PTPRT: variants seen among roughly 807,000 people sequenced by gnomAD.
PTPRT encodes receptor-type tyrosine-protein phosphatase T.
PTPRT carries 56 observed loss-of-function variants against 176.8 expected under a neutral mutation model. The ratio of observed to expected loss-of-function variants is 0.32; its 90% CI spans 0.26 to 0.40. The LOEUF (loss-of-function observed/expected upper bound fraction) is 0.40. PTPRT is among the 10% of genes least tolerant of loss of function. The pLI is 1.00. For synonymous variants in PTPRT, 783 were observed against 739.0 expected, an observed-to-expected ratio of 1.06 and a Z score of -0.96; for missense variants, 1,540 against 1,908.2, an observed-to-expected ratio of 0.81 and a Z score of 3.60.
intron 1 of PTPRT, among the ~76,000 whole-genome samples, chr20:42,925,230 AAT>A (rs1600562594): frequency 1.3e-5 from 2 of 152,202 alleles, no homozygotes; most frequent in Non-Finnish European, 2.9e-5. Flanking sequence ...AATATTTTTT[AAT>A]ATGTCATTTT....
At chr20:42,270,484 C>G in intron 13 of PTPRT, 1 of 1,548,888 alleles carries the variant, frequency 6.5e-7, no homozygotes, top group Middle Eastern at 1.7e-4. Context: ...CCCCAGGCAG[C>G]ATGCAGAAGA....
chr20:42,890,272 G>T, intron 1 of PTPRT, among the ~76,000 whole-genome samples: 1 of 152,160 alleles, frequency 6.6e-6, no homozygotes, highest in East Asian at 1.9e-4. Context: ...CTATTCAGGG[G>T]AGATTTTTAG....
At chr20:42,786,004 C>T (rs1441666402) in intron 3 of PTPRT, among the ~76,000 whole-genome samples, 1 of 152,018 alleles carries the variant, frequency 6.6e-6, no homozygotes, top group South Asian at 2.1e-4. Flanking sequence ...GGTGGTTTTC[C>T]CCATACTGTT....
intron 9 of PTPRT, among the ~76,000 whole-genome samples, chr20:42,401,323 G>T (rs568813384): frequency 6.6e-6 from 1 of 151,990 alleles, no homozygotes; most frequent in Non-Finnish European, 1.5e-5. Context: ...GGAAAGTTCT[G>T]CCAACTCAAG....
chr20:42,159,418 CT>C (rs1328427016), intron 17 of PTPRT, among the ~76,000 whole-genome samples: 3 of 149,730 alleles, frequency 2.0e-5, no homozygotes, highest in Non-Finnish European at 4.5e-5. Context: ...AAAATATTTT[CT>C]TTTTTTAATT....
intron 7 of PTPRT, among the ~76,000 whole-genome samples, chr20:42,517,436 A>G (rs1044958057): frequency 6.6e-6 from 1 of 151,626 alleles, no homozygotes; most frequent in Admixed American, 6.6e-5. Flanking sequence ...CAATTATTTT[A>G]GCTTTTATTA....
intron 7 of PTPRT, among the ~76,000 whole-genome samples, chr20:42,546,406 C>T (rs1234628332): frequency 6.6e-6 from 1 of 150,812 alleles, no homozygotes; most frequent in African/African-American, 2.4e-5. Flanking sequence ...TGGGATTGGC[C>T]AAGACTTAGC....
At chr20:43,172,869 CTTT>C (rs1156414727) in intron 1 of PTPRT, among the ~76,000 whole-genome samples, 5 of 117,502 alleles carry the variant, frequency 4.3e-5, no homozygotes, top group Admixed American at 9.3e-5. Context: ...AGTCTGCAGT[CTTT>C]TTTTTTTTTT....
chr20:42,066,457 T>TC, the PTPRT span, among the ~76,000 whole-genome samples: 1 of 151,928 alleles, frequency 6.6e-6, no homozygotes, highest in African/African-American at 2.4e-5. Context: ...GGGGTTTTTT[T>TC]GGTGTGTATT....
intron 13 of PTPRT, among the ~76,000 whole-genome samples, chr20:42,274,721 A>C (rs2056999848): frequency 6.6e-6 from 1 of 152,154 alleles, no homozygotes; most frequent in Non-Finnish European, 1.5e-5. Context: ...TGGAGCAGAC[A>C]ACCCTGAAGA....
intron 1 of PTPRT, among the ~76,000 whole-genome samples, chr20:43,016,628 C>T (rs1011025789): frequency 2.7e-5 from 4 of 148,172 alleles, no homozygotes; most frequent in Non-Finnish European, 5.9e-5. Flanking sequence ...CAACCTCCCC[C>T]TCTTGGCTTC....
intron 11 of PTPRT, among the ~76,000 whole-genome samples, chr20:42,332,888 T>C (rs1197248168): frequency 3.9e-5 from 6 of 152,200 alleles, no homozygotes; most frequent in Admixed American, 3.9e-4. Context: ...ATTTTTAAAA[T>C]AAATCCATGA....
intron 7 of PTPRT, among the ~76,000 whole-genome samples, chr20:42,612,824 T>C (rs1030060476): frequency 1.3e-5 from 2 of 151,954 alleles, no homozygotes; most frequent in Non-Finnish European, 2.9e-5. Context: ...AAATAAATTA[T>C]GATAACCCCC....
intron 9 of PTPRT, among the ~76,000 whole-genome samples, chr20:42,428,358 A>T (rs2059185384): frequency 6.6e-6 from 1 of 152,216 alleles, no homozygotes; most frequent in African/African-American, 2.4e-5. Context: ...AATAATTATT[A>T]ATTTGAAAGT....
intron 1 of PTPRT, among the ~76,000 whole-genome samples, chr20:42,997,907 A>G (rs1299969613): frequency 1.3e-5 from 2 of 152,022 alleles, no homozygotes; most frequent in Non-Finnish European, 2.9e-5. Flanking sequence ...GGAACCAAGC[A>G]CCTCTTCTTC....
chr20:43,083,626 T>A (rs2011526931), intron 1 of PTPRT, among the ~76,000 whole-genome samples: 1 of 151,860 alleles, frequency 6.6e-6, no homozygotes, highest in African/African-American at 2.4e-5. Flanking sequence ...CCCAAAGTGA[T>A]GAGATTACAG....
At chr20:42,373,105 G>C (rs1182950577) in intron 9 of PTPRT, among the ~76,000 whole-genome samples, 1 of 152,234 alleles carries the variant, frequency 6.6e-6, no homozygotes, top group Non-Finnish European at 1.5e-5. Flanking sequence ...TGTGTGCCTA[G>C]CATTTCACTA....
intron 1 of PTPRT, among the ~76,000 whole-genome samples, chr20:42,916,301 T>A (rs1463495735): frequency 6.6e-6 from 1 of 152,172 alleles, no homozygotes; most frequent in Non-Finnish European, 1.5e-5. Flanking sequence ...AACTCATCAC[T>A]TTTTATGGCT....
At chr20:42,775,264 C>T (rs1359397917) in intron 4 of PTPRT, among the ~76,000 whole-genome samples, 1 of 152,326 alleles carries the variant, frequency 6.6e-6, no homozygotes, top group South Asian at 2.1e-4. Flanking sequence ...TATTATTGTG[C>T]CCTTTATCTT....
Sources: gnomAD v4.1 joint callset for allele counts (sites outside exome capture counted in the v4.1 genomes callset) on GRCh38, gnomAD v4.1.1 for gene constraint, MANE v1.5 for transcripts, NCBI Gene and HGNC (gene_info 2026-07-23, HGNC 2026-07-21) for gene names.